MAP2K7: variants seen among roughly 807,000 people sequenced by gnomAD.
MAP2K7 encodes the protein dual specificity mitogen-activated protein kinase kinase 7.
Under a neutral mutation model 47.7 loss-of-function variants are expected in MAP2K7, and 12 were observed. The observed-to-expected ratio is 0.25, with a 90% CI of 0.16 to 0.41. The LOEUF (loss-of-function observed/expected upper bound fraction) is 0.41. Ranked by LOEUF, MAP2K7 falls within the 10% of genes least tolerant of loss-of-function variation. MAP2K7 has a pLI of 1.00. For synonymous variants in MAP2K7, 299 were observed against 243.0 expected, an observed-to-expected ratio of 1.23 and a Z score of -2.14; for missense variants, 415 against 600.3, an observed-to-expected ratio of 0.69 and a Z score of 3.23.
chr19:7,908,822 CCT>C (rs1470389573), intron 1 of MAP2K7, among the ~76,000 whole-genome samples: 1 of 152,060 alleles, frequency 6.6e-6, no homozygotes, highest in African/African-American at 2.4e-5. Context: ...GTCCCAGGCC[CCT>C]CTCTGGCCTG....
At position 7,911,521 on chromosome 19, in the gene MAP2K7, C is replaced by A; in HGVS notation, c.1022C>A (p.Pro341Gln). Residue 341 changes from proline to glutamine, a missense_variant, in exon 9 of 11, where the codon CCG (proline) becomes CAG (glutamine). Coordinates refer to ENST00000397979, the MANE Select transcript of MAP2K7 (RefSeq NM_145185.4). ...VLTKVLQEEP[P>Q]LLPGHMGFSG... ...ACCAAAGTCCTACAGGAAGAGCCCC[C>A]GCTTCTGCCCGGACACATGGGCTTC... 1 of 1,611,862 alleles carries A rather than the reference C, an allele frequency of 6.2e-7. No homozygotes were observed.
intron 9 of MAP2K7, 101 bp downstream of exon 9, chr19:7,911,679 G>A (rs879444159): frequency 7.8e-5 from 97 of 1,239,012 alleles, no homozygotes; most frequent in Non-Finnish European, 1.1e-4. Context: ...CCCTGGGATG[G>A]GCGGATGCGA....
chr19:7,905,269 C>CT (rs55933149), intron 1 of MAP2K7, among the ~76,000 whole-genome samples: 84,725 of 151,870 alleles, frequency 0.56, 24,044 homozygotes, highest in Admixed American at 0.62. Flanking sequence ...AAGGTACCCC[C>CT]GTATCTGGGC....
chr19:7,912,581 C>G lies in MAP2K7; in HGVS notation c.*150C>G, dbSNP rs1485362287. The stretch of plus-strand genomic sequence containing the variant: ...CAGAGAGTGGGGGGTGCCCACCCAC[C>G]CCCCCCGCCCCGGGCCTACCAAGCC... On this transcript the variant is annotated 3_prime_UTR_variant, in exon 11 of 11. Transcript: ENST00000397979. The G allele has an allele frequency of 7.7e-6, 7 of 905,364 alleles. No individual in the cohort carries two copies. In the East Asian group the frequency reaches 1.6e-4, roughly 21 times the overall value. The allele number at this position is 905,364 out of a possible 1,614,324, so 56.1% of individuals were successfully genotyped here.
chr19:7,912,120 C>G (rs1164546635), intron 9 of MAP2K7, 29 bp from the exon 10 acceptor site: 1 of 1,611,604 alleles, frequency 6.2e-7, no homozygotes, highest in African/African-American at 1.3e-5. Context: ...CCCTCGTTCT[C>G]ACATCTGTCT....
At position 7,913,989 on chromosome 19, in the gene MAP2K7, T is replaced by A. The variant is rs1460944585; in HGVS notation, c.*1558T>A. The A allele has an allele frequency of 6.6e-6, 1 of 151,976 alleles. No individual in the cohort carries two copies. The highest frequency in any genetic ancestry group is 1.5e-5 in the Non-Finnish European group (1 of 67,932). 9.4% of individuals were successfully genotyped at this position (151,976 alleles called of 1,614,324 possible). A position where few individuals can be genotyped will look rare whatever the true frequency, so the allele number is the denominator to read the frequency against. ...GCCCCCAGGGAGGAAAGCCACCTTC[T>A]CTTGCCCCTTGGCCCCTTTGTCAGG... On this transcript the variant is annotated 3_prime_UTR_variant, in exon 11 of 11. Coordinates refer to ENST00000397979, the MANE Select transcript of MAP2K7 (RefSeq NM_145185.4).
chr19:7,912,421 T>C lies in MAP2K7; in HGVS notation c.1250T>C (p.Phe417Ser), dbSNP rs1221943389. ...SGVLSQPHLP[F>S]FR ...GTCCTGAGCCAGCCCCACCTGCCCT[T>C]CTTCAGGTAGCTGCTTGGCGGCGGC... is the stretch of plus-strand genomic sequence containing the variant. Residue 417 changes from phenylalanine to serine, a missense_variant, in exon 11 of 11, where the codon TTC (phenylalanine) becomes TCC (serine). Coordinates refer to ENST00000397979, the MANE Select transcript of MAP2K7 (RefSeq NM_145185.4). The C allele has an allele frequency of 6.2e-7, 1 of 1,611,802 alleles. No homozygotes were observed.
intron 1 of MAP2K7, chr19:7,906,604 G>A (rs111778808): frequency 0.014 from 2,192 of 152,420 alleles, 48 homozygotes; most frequent in African/African-American, 0.05. Context: ...TAAAAACTGG[G>A]CCAGGCGCAG....
At chr19:7,909,352 G>A (rs978603982) in intron 1 of MAP2K7, among the ~76,000 whole-genome samples, 4 of 152,374 alleles carry the variant, frequency 2.6e-5, no homozygotes, top group East Asian at 1.9e-4. Flanking sequence ...CAGGCACTCC[G>A]CCCTGGCCTA....
Position 7,904,056 on chromosome 19 carries a change from C to G in MAP2K7, c.112C>G (p.Arg38Gly). 7.3e-7 allele frequency: 1 copy of G among 1,363,450 alleles called. No homozygotes were observed. Among genetic ancestry groups the G allele is most frequent in the Non-Finnish European group, 9.6e-7 (1 of 1,038,690 alleles). The allele number at this position is 1,363,450 out of a possible 1,614,324, so 84.5% of individuals were successfully genotyped here. A position where few individuals can be genotyped will look rare whatever the true frequency, so the allele number is the denominator to read the frequency against. The change falls in exon 1 of 11, where the codon CGG becomes GGG. Residue 38 changes from arginine (R) to glycine (G), a missense_variant. Coordinates refer to ENST00000397979, the MANE Select transcript of MAP2K7 (RefSeq NM_145185.4). ...IDLNLDISPQRPRPTLQLPLA... is the reference protein window; with the variant it reads ...IDLNLDISPQGPRPTLQLPLA... ...CCTCAACCTGGATATCAGCCCCCAG[C>G]GGCCCAGGCCCAGTAAGCACGGCGG... is the stretch of plus-strand genomic sequence containing the variant.
At chr19:7,907,324 C>T (rs893960742) in intron 1 of MAP2K7, among the ~76,000 whole-genome samples, 1 of 152,050 alleles carries the variant, frequency 6.6e-6, no homozygotes, top group Admixed American at 6.5e-5. Context: ...TATGTGTGTC[C>T]GAGGGCAAGG....
At chr19:7,908,427 C>T (rs1049657091) in intron 1 of MAP2K7, among the ~76,000 whole-genome samples, 1 of 152,124 alleles carries the variant, frequency 6.6e-6, no homozygotes, top group African/African-American at 2.4e-5. Context: ...CGTCTTCCTG[C>T]CCCTCCTACT....
Position 7,904,038 on chromosome 19 carries a change from C to G in MAP2K7, c.94C>G (p.Leu32Val), listed in dbSNP as rs1453514771. ...GGCCCGGCGGAGGATCGACCTCAAC[C>G]TGGATATCAGCCCCCAGCGGCCCAG... ...REARRRIDLNLDISPQRPRPT... is the reference protein window; with the variant it reads ...REARRRIDLNVDISPQRPRPT... The change falls in exon 1 of 11, where the codon CTG becomes GTG. Residue 32 changes from leucine to valine, a missense_variant. Physicochemically the swap from Leu to Val is conservative, Grantham distance 32. Around this residue, in one of 3 missense-constraint regions of MAP2K7, gnomAD observed 115 missense variants for 126.2 expected, o/e 0.91. Transcript: ENST00000397979. The G allele has an allele frequency of 7.4e-7, 1 of 1,354,188 alleles. No individual in the cohort carries two copies. Among genetic ancestry groups the G allele is most frequent in the Admixed American group, 2.2e-5 (1 of 44,914 alleles). 83.9% of individuals were successfully genotyped at this position (1,354,188 alleles called of 1,614,324 possible).
In MAP2K7 at chr19:7,912,709, G is replaced by A. The variant is rs1599630772; in HGVS notation, c.*278G>A. On this transcript the variant is annotated 3_prime_UTR_variant, in exon 11 of 11. Transcript: ENST00000397979. ...GATCAGAGTCGCTGTTCATTCAGCCGCAGCCTCTGGGCCGGGGCGGCCCCC... is the reference window on the plus strand; with the variant it reads ...GATCAGAGTCGCTGTTCATTCAGCCACAGCCTCTGGGCCGGGGCGGCCCCC... The A allele has an allele frequency of 2.6e-5, 13 of 500,232 alleles. No individual in the cohort carries two copies. The highest frequency in any genetic ancestry group is 1.8e-4 in the East Asian group (5 of 27,500). The allele number at this position is 500,232 out of a possible 1,614,324, so 31.0% of individuals were successfully genotyped here.
In MAP2K7 at chr19:7,909,844, C is replaced by T. The variant is rs1237190214; in HGVS notation, c.214C>T (p.Arg72Cys). ...GCACCCCACGCCCCCCGCCCGGCCC[C>T]GCCACATGCTGGGGCTCCCGTCAAC... ...PQHPTPPARP[R>C]HMLGLPSTLF... The change falls in exon 2 of 11, where the codon CGC (arginine) becomes TGC (cysteine). Residue 72 changes from arginine (R) to cysteine (C), a missense_variant. Transcript: ENST00000397979. The T allele has an allele frequency of 5.8e-6, 9 of 1,540,412 alleles. No homozygotes were observed. The highest frequency in any genetic ancestry group is 2.5e-5 in the East Asian group (1 of 40,804).
At position 7,912,542 on chromosome 19, in the gene MAP2K7, C is replaced by T; in HGVS notation, c.*111C>T. The stretch of plus-strand genomic sequence containing the variant: ...GGGAGACCTGGGACCTGGACGGCCA[C>T]CTAGGACTGAGGACAGAGAGTGGGG... On this transcript the variant is annotated 3_prime_UTR_variant, in exon 11 of 11. Coordinates refer to ENST00000397979, the MANE Select transcript of MAP2K7 (RefSeq NM_145185.4). 1 of 1,318,652 alleles carries T rather than the reference C, an allele frequency of 7.6e-7. No homozygotes were observed. The highest frequency in any genetic ancestry group is 1.5e-5 in the South Asian group (1 of 67,154). The allele number at this position is 1,318,652 out of a possible 1,614,324, so 81.7% of individuals were successfully genotyped here.
intron 1 of MAP2K7, among the ~76,000 whole-genome samples, chr19:7,905,485 G>T (rs1982386872): frequency 6.6e-6 from 1 of 152,148 alleles, no homozygotes. Flanking sequence ...AGCCCCTGGG[G>T]GCCGCCCTCC....
chr19:7,906,233 C>T (rs1169671915), intron 1 of MAP2K7: 2 of 265,598 alleles, frequency 7.5e-6, no homozygotes, highest in East Asian at 1.6e-4. Flanking sequence ...TCTCTCTCAA[C>T]AACTAGGTGA....
intron 1 of MAP2K7, among the ~76,000 whole-genome samples, chr19:7,907,315 A>C (rs1982528383): frequency 6.6e-6 from 1 of 151,958 alleles, no homozygotes; most frequent in South Asian, 2.1e-4. Context: ...GGTTGTGAGT[A>C]TGTGTGTCCG....
Sources: allele counts gnomAD v4.1 joint callset (sites outside exome capture counted in the v4.1 genomes callset), GRCh38; gene constraint gnomAD v4.1.1; regional missense constraint gnomAD v4.1.1; transcripts MANE v1.5; gene names NCBI Gene and HGNC (gene_info 2026-07-23, HGNC 2026-07-21).